The following WWP1 variants were observed in gnomAD, a reference collection of about 807,000 sequenced individuals.
WWP1 encodes WW domain containing E3 ubiquitin protein ligase 1, also known as NEDD4-like E3 ubiquitin-protein ligase WWP1.
Under a neutral mutation model 130.6 loss-of-function variants are expected in WWP1, and 49 were observed. That is an observed-to-expected ratio of 0.38 (90% confidence interval 0.30 to 0.48). The LOEUF is 0.48. WWP1 is among the 20% of genes least tolerant of loss of function. The pLI is 0.99. For synonymous variants in WWP1, 332 were observed against 367.8 expected, an observed-to-expected ratio of 0.90 and a Z score of 1.11; for missense variants, 809 against 1,100.6, an observed-to-expected ratio of 0.74 and a Z score of 3.75.
At chr8:86,422,893 T>C (rs1452720845) in intron 9 of WWP1, among the ~76,000 whole-genome samples, 1 of 152,120 alleles carries the variant, frequency 6.6e-6, no homozygotes, top group Admixed American at 6.5e-5. Flanking sequence ...GAAAAGATAC[T>C]GTGCACACAG....
At chr8:86,462,599 T>G (rs1321535718) in intron 24 of WWP1, among the ~76,000 whole-genome samples, 2 of 152,032 alleles carry the variant, frequency 1.3e-5, no homozygotes, top group Non-Finnish European at 2.9e-5. Context: ...CAGAAAACAG[T>G]ATAGGGAAGG....
At chr8:86,460,440 T>C (rs2130091021) in intron 22 of WWP1, among the ~76,000 whole-genome samples, 1 of 152,284 alleles carries the variant, frequency 6.6e-6, no homozygotes, top group Non-Finnish European at 1.5e-5. Context: ...TCCATTTCCT[T>C]ATATGTACAG....
intron 24 of WWP1, among the ~76,000 whole-genome samples, chr8:86,466,538 T>A (rs1160648820): frequency 4.2e-4 from 46 of 110,254 alleles, no homozygotes; most frequent in African/African-American, 1.5e-3. Context: ...AGAAAATGGA[T>A]TTTTTTTTTT....
At chr8:86,353,714 C>T (rs1823087619) in intron 1 of WWP1, among the ~76,000 whole-genome samples, 1 of 152,186 alleles carries the variant, frequency 6.6e-6, no homozygotes. Context: ...AACTCCTGAC[C>T]TCAAGTGATC....
chr8:86,400,401 C>T (rs796413599), intron 7 of WWP1, among the ~76,000 whole-genome samples: 7 of 151,872 alleles, frequency 4.6e-5, no homozygotes, highest in African/African-American at 9.7e-5. Flanking sequence ...TTAGACATAG[C>T]GATAAGCACT....
chr8:86,421,759 G>A (rs774469003), intron 9 of WWP1, among the ~76,000 whole-genome samples: 3 of 152,048 alleles, frequency 2.0e-5, no homozygotes, highest in South Asian at 2.1e-4. Flanking sequence ...GGGAGGCGGA[G>A]CTTACATGAG....
At chr8:86,450,315 T>C (rs1416148939) in intron 20 of WWP1, among the ~76,000 whole-genome samples, 3 of 152,236 alleles carry the variant, frequency 2.0e-5, no homozygotes, top group Non-Finnish European at 2.9e-5. Context: ...TGTTAGGTAT[T>C]TTTGTTTTGC....
chr8:86,393,324 C>T (rs1807462818), intron 5 of WWP1, among the ~76,000 whole-genome samples: 1 of 152,028 alleles, frequency 6.6e-6, no homozygotes, highest in African/African-American at 2.4e-5. Flanking sequence ...CTCCTTGCCT[C>T]AACCTCCCCT....
chr8:86,396,791 C>A (rs10101337), intron 5 of WWP1, among the ~76,000 whole-genome samples: 1 of 151,856 alleles, frequency 6.6e-6, no homozygotes, highest in East Asian at 1.9e-4. Context: ...ATAGAGACAG[C>A]GTCTTGCTAT....
chr8:86,398,720 T>A (rs1807811575), intron 7 of WWP1, 82 bp downstream of exon 7: 1 of 1,480,780 alleles, frequency 6.8e-7, no homozygotes, highest in African/African-American at 1.4e-5. Flanking sequence ...TTTACCTTAG[T>A]TTAGAATTTG....
chr8:86,423,095 G>A, intron 9 of WWP1, among the ~76,000 whole-genome samples: 1 of 146,504 alleles, frequency 6.8e-6, no homozygotes, highest in African/African-American at 2.6e-5. Flanking sequence ...CTGAAAATTA[G>A]TGTTTATTGA....
rs878869515 is a variant in WWP1, at chr8:86,440,800, C to T, written c.1839-1819C>T. Reference sequence around the variant, plus strand: ...TTTTCTCTGATCATTTTTATCTTTGCACTTTTCCATTTTATTTTGATTTTT... The same window carrying T: ...TTTTCTCTGATCATTTTTATCTTTGTACTTTTCCATTTTATTTTGATTTTT... On this transcript the variant is annotated intron_variant, in intron 17 of 24. Transcript: ENST00000517970. The T allele has an allele frequency of 5.1e-5, 20 of 390,530 alleles. No individual in the cohort carries two copies. In the East Asian group the frequency reaches 5.9e-4, roughly 11 times the overall value. The allele number at this position is 390,530 out of a possible 1,614,324, so 24.2% of individuals were successfully genotyped here.
chr8:86,382,591 T>G (rs1049424349), intron 5 of WWP1, among the ~76,000 whole-genome samples: 10 of 152,088 alleles, frequency 6.6e-5, no homozygotes, highest in Admixed American at 5.9e-4. Flanking sequence ...CCCAGCTACT[T>G]GGGAGGCTGA....
chr8:86,430,438 A>G (rs10098356), intron 11 of WWP1, among the ~76,000 whole-genome samples: 110,766 of 151,680 alleles, frequency 0.73, 41,303 homozygotes, highest in African/African-American at 0.82. Flanking sequence ...GTGCCAACAC[A>G]TCTGGCTAAT....
chr8:86,362,063 C>CATATATACACACAT (rs1823663407), intron 1 of WWP1, among the ~76,000 whole-genome samples: 2 of 131,948 alleles, frequency 1.5e-5, no homozygotes, highest in African/African-American at 2.9e-5. Context: ...TATATACACA[C>CATATATACACACAT]ATATATATAC....
intron 10 of WWP1, among the ~76,000 whole-genome samples, chr8:86,425,931 A>G (rs1466288240): frequency 1.3e-5 from 2 of 152,166 alleles, no homozygotes; most frequent in African/African-American, 4.8e-5. Flanking sequence ...TACTGTTTGC[A>G]TTCATTTACT....
intron 24 of WWP1, among the ~76,000 whole-genome samples, chr8:86,465,598 C>T (rs1484742463): frequency 1.3e-5 from 2 of 151,946 alleles, no homozygotes; most frequent in African/African-American, 2.4e-5. Flanking sequence ...GTAGCCTAGG[C>T]GACACAGCCA....
At chr8:86,390,219 C>A (rs1016544073) in intron 5 of WWP1, among the ~76,000 whole-genome samples, 3 of 151,444 alleles carry the variant, frequency 2.0e-5, no homozygotes, top group African/African-American at 7.3e-5. Context: ...GACTGGGCGG[C>A]CGGGCAGAGG....
At chr8:86,414,269 AATC>A (rs1362004177) in intron 9 of WWP1, among the ~76,000 whole-genome samples, 1 of 152,002 alleles carries the variant, frequency 6.6e-6, no homozygotes, top group Non-Finnish European at 1.5e-5. Flanking sequence ...ATGTAAGTAA[AATC>A]AGTAGATAAA....
Sources: allele counts gnomAD v4.1 joint callset (sites outside exome capture counted in the v4.1 genomes callset), GRCh38; gene constraint gnomAD v4.1.1; transcripts MANE v1.5; gene names NCBI Gene and HGNC (gene_info 2026-07-23, HGNC 2026-07-21).